The following XKR9 variants were observed in gnomAD, a reference collection of about 807,000 sequenced individuals.
XKR9 encodes XK related 9.
In XKR9, 32 loss-of-function variants were observed where a neutral mutation model predicts 32.0. That is an observed-to-expected ratio of 1.00 (90% CI 0.76 to 1.34). XKR9 has a LOEUF of 1.34. XKR9 is among the 40% of genes most tolerant of loss of function. The pLI, the probability that XKR9 is intolerant of heterozygous loss-of-function variation, is 0.00. For synonymous variants in XKR9, 168 were observed against 143.4 expected, an observed-to-expected ratio of 1.17 and a Z score of -1.22; for missense variants, 546 against 429.7, an observed-to-expected ratio of 1.27 and a Z score of -2.39.
At chr8:70,876,073 C>A in the XKR9 span, among the ~76,000 whole-genome samples, 1,528 of 152,216 alleles carry the variant, frequency 0.01, 24 homozygotes, top group African/African-American at 0.035. Context: ...GAGTGGTATT[C>A]AATTCCATAC....
downstream of XKR9, among the ~76,000 whole-genome samples, chr8:70,738,825 G>A (rs988747261): frequency 6.6e-6 from 1 of 152,142 alleles, no homozygotes; most frequent in Non-Finnish European, 1.5e-5. Context: ...TTGCACTGTG[G>A]TCTGAGAGAC....
intron 3 of XKR9, among the ~76,000 whole-genome samples, chr8:70,695,026 A>G (rs900764366): frequency 6.6e-6 from 1 of 151,946 alleles, no homozygotes; most frequent in African/African-American, 2.4e-5. Flanking sequence ...TGGGAGAAGC[A>G]TGATTTCCCT....
Position 70,670,001 on chromosome 8 carries a change from CAT to C in XKR9, c.-361+466_-361+467del, listed in dbSNP as rs1361435723. Among the ~76,000 whole-genome samples, 14 of 152,294 alleles carry C rather than the reference CAT, an allele frequency of 9.2e-5. No homozygotes were observed. In the East Asian group the frequency reaches 2.5e-3, roughly 27 times the overall value. On this transcript the variant is annotated intron_variant, in intron 1 of 4. Coordinates refer to ENST00000408926, the MANE Select transcript of XKR9 (RefSeq NM_001011720.2). The stretch of plus-strand genomic sequence containing the variant: ...TCTTTTATAATAAATAGTGGTAAGA[CAT>C]ATTTACTTAGTACTTCCTACTATGC...
At chr8:70,744,052 C>T (rs1326629919) in intron 2 of XKR9, among the ~76,000 whole-genome samples, 2 of 152,058 alleles carry the variant, frequency 1.3e-5, no homozygotes, top group Non-Finnish European at 2.9e-5. Flanking sequence ...GTTTGCCAGT[C>T]TTTCTGCCAG....
the XKR9 span, among the ~76,000 whole-genome samples, chr8:70,813,932 C>A: frequency 6.6e-6 from 1 of 152,164 alleles, no homozygotes; most frequent in African/African-American, 2.4e-5. Flanking sequence ...ACGCAGCAAT[C>A]CCATTACTGA....
intron 3 of XKR9, among the ~76,000 whole-genome samples, chr8:70,683,287 A>T (rs1216815399): frequency 2.0e-5 from 3 of 152,196 alleles, no homozygotes; most frequent in Non-Finnish European, 2.9e-5. Context: ...AAAACAATAT[A>T]ATTCGATTTG....
intron 3 of XKR9, among the ~76,000 whole-genome samples, chr8:70,701,997 T>G (rs1195238430): frequency 6.6e-5 from 10 of 152,098 alleles, no homozygotes; most frequent in African/African-American, 2.4e-4. Context: ...TTAGTACATA[T>G]AAAAAGTTTA....
intron 4 of XKR9, among the ~76,000 whole-genome samples, chr8:70,729,469 G>A (rs562875496): frequency 3.2e-4 from 49 of 152,094 alleles, no homozygotes; most frequent in African/African-American, 1.1e-3. Context: ...AACTCTCTGC[G>A]GGAGTCTTGG....
chr8:70,735,687 C>T lies in XKR9; in HGVS notation c.*1263C>T, dbSNP rs1333462185. On this transcript the variant is annotated 3_prime_UTR_variant, in exon 5 of 5. Transcript: ENST00000408926. Reference sequence around the variant, plus strand: ...GTCCATGTGTTCTCATTGTTCAGTTCCCACCTATGAGTGAGAATATGCAGT... The same window carrying T: ...GTCCATGTGTTCTCATTGTTCAGTTTCCACCTATGAGTGAGAATATGCAGT... 1 of 140,860 alleles carries T rather than the reference C, an allele frequency of 7.1e-6. No homozygotes were observed. The highest frequency in any genetic ancestry group is 2.1e-4 in the East Asian group (1 of 4,702). The allele number at this position is 140,860 out of a possible 1,614,324, so 8.7% of individuals were successfully genotyped here.
the XKR9 span, among the ~76,000 whole-genome samples, chr8:70,831,231 C>T: frequency 6.8e-6 from 1 of 146,592 alleles, no homozygotes; most frequent in Non-Finnish European, 1.5e-5. Flanking sequence ...ACGGAGGTTG[C>T]AGTGAGCCAA....
the XKR9 span, among the ~76,000 whole-genome samples, chr8:71,056,247 A>AT: frequency 1.6e-3 from 235 of 144,232 alleles, 2 homozygotes; most frequent in South Asian, 2.4e-3. Flanking sequence ...TGGAGATCTT[A>AT]TTTTTTTTTT....
At chr8:70,833,079 T>G in the XKR9 span, among the ~76,000 whole-genome samples, 1 of 152,252 alleles carries the variant, frequency 6.6e-6, no homozygotes, top group Non-Finnish European at 1.5e-5. Flanking sequence ...TGGTTTGTCA[T>G]ATCTTCTGTC....
chr8:70,700,595 G>C (rs1805485918), intron 3 of XKR9, among the ~76,000 whole-genome samples: 1 of 152,282 alleles, frequency 6.6e-6, no homozygotes, highest in Middle Eastern at 3.4e-3. Flanking sequence ...TGCCCCTACT[G>C]GGGGTTGCCT....
chr8:70,758,262 G>A (rs1182197076), intron 2 of XKR9, among the ~76,000 whole-genome samples: 2 of 151,198 alleles, frequency 1.3e-5, no homozygotes, highest in African/African-American at 4.9e-5. Flanking sequence ...TTGGGATGAC[G>A]GCAGCACCAG....
At chr8:70,869,405 G>A in the XKR9 span, among the ~76,000 whole-genome samples, 22 of 152,288 alleles carry the variant, frequency 1.4e-4, no homozygotes, top group Admixed American at 1.0e-3. Flanking sequence ...ATGGATAGCC[G>A]CAGGTAGAGA....
At chr8:70,770,760 C>T (rs1807443197) in intron 2 of XKR9, among the ~76,000 whole-genome samples, 1 of 152,154 alleles carries the variant, frequency 6.6e-6, no homozygotes, top group South Asian at 2.1e-4. Flanking sequence ...GGACACCCCT[C>T]CCCCCACCAA....
downstream of XKR9, among the ~76,000 whole-genome samples, chr8:70,736,609 T>C (rs1196359426): frequency 2.6e-5 from 4 of 152,116 alleles, no homozygotes; most frequent in Non-Finnish European, 5.9e-5. Flanking sequence ...AGGTCTAACA[T>C]TTAAGTCTTT....
the XKR9 span, among the ~76,000 whole-genome samples, chr8:71,064,406 T>C: frequency 6.6e-6 from 1 of 152,210 alleles, no homozygotes; most frequent in Non-Finnish European, 1.5e-5. Flanking sequence ...TGAGTTTTTA[T>C]GTTTATGCCC....
chr8:70,947,326 C>G, the XKR9 span, among the ~76,000 whole-genome samples: 1 of 152,112 alleles, frequency 6.6e-6, no homozygotes, highest in East Asian at 1.9e-4. Flanking sequence ...TTAAAAGTTC[C>G]CTTTTCGATT....
Sources: gnomAD v4.1 joint callset for allele counts (sites outside exome capture counted in the v4.1 genomes callset) on GRCh38, gnomAD v4.1.1 for gene constraint, MANE v1.5 for transcripts, NCBI Gene and HGNC (gene_info 2026-07-23, HGNC 2026-07-21) for gene names.